The following SLC16A12 variants were observed in gnomAD, a reference collection of about 807,000 sequenced individuals.
SLC16A12 encodes the protein solute carrier family 16 member 12.
A neutral mutation model predicts 42.4 loss-of-function variants in SLC16A12; 17 were observed. That is an observed-to-expected ratio of 0.40 (90% confidence interval 0.27 to 0.60). The LOEUF is 0.60. Among genes scored for constraint, SLC16A12 ranks in the 20% least tolerant of loss-of-function variants. The pLI is 0.42. For synonymous variants in SLC16A12, 224 were observed against 229.4 expected (o/e 0.98, Z 0.21); for missense variants, 544 against 623.0 (o/e 0.87, Z 1.35).
chr10:89,450,553 A>G (rs1842078260), intron 3 of SLC16A12, among the ~76,000 whole-genome samples: 1 of 152,264 alleles, frequency 6.6e-6, no homozygotes, highest in Non-Finnish European at 1.5e-5. Context: ...TGGAACTTGA[A>G]CAATGAGAAC....
intron 2 of SLC16A12, among the ~76,000 whole-genome samples, chr10:89,533,393 T>C (rs923169432): frequency 1.3e-5 from 2 of 152,182 alleles, no homozygotes; most frequent in African/African-American, 4.8e-5. Context: ...AGAACAGCAC[T>C]AGGCATACAG....
chr10:89,475,898 C>G (rs781054643), intron 2 of SLC16A12, among the ~76,000 whole-genome samples: 21 of 152,266 alleles, frequency 1.4e-4, no homozygotes, highest in Non-Finnish European at 2.5e-4. Context: ...TCTTTCCCAC[C>G]CTTTCAGTTC....
At chr10:89,487,185 G>A (rs1415731341) in intron 2 of SLC16A12, among the ~76,000 whole-genome samples, 1 of 152,202 alleles carries the variant, frequency 6.6e-6, no homozygotes, top group Non-Finnish European at 1.5e-5. Context: ...TCTCTAAGGG[G>A]AAATCACATC....
intron 2 of SLC16A12, among the ~76,000 whole-genome samples, chr10:89,479,843 G>T (rs894688571): frequency 6.6e-6 from 1 of 152,116 alleles, no homozygotes; most frequent in Non-Finnish European, 1.5e-5. Flanking sequence ...TATATATCAC[G>T]ATAGTGTTGG....
Position 89,502,915 on chromosome 10 carries a change from C to CA in SLC16A12, c.-47+31585dup, listed in dbSNP as rs77907100. Among the ~76,000 whole-genome samples the CA allele has an allele frequency of 6.5e-4, 99 of 152,284 alleles. 1 individual carries two copies. In the East Asian group the frequency reaches 0.019, roughly 28 times the overall value. The stretch of plus-strand genomic sequence containing the variant: ...CTTAATAAAAGGCTGAGAAGATGAG[C>CA]AATGGTGATCAGCAAAGCTTGTAGG... On this transcript the variant is annotated intron_variant, in intron 2 of 7. Coordinates refer to ENST00000371790, the MANE Select transcript of SLC16A12 (RefSeq NM_213606.4).
intron 2 of SLC16A12, among the ~76,000 whole-genome samples, chr10:89,512,092 T>C (rs915364549): frequency 1.3e-5 from 2 of 152,162 alleles, no homozygotes; most frequent in African/African-American, 4.8e-5. Context: ...CGTGAGGTCC[T>C]TAGGGTAGTC....
At chr10:89,458,083 C>G (rs78999059) in intron 3 of SLC16A12, among the ~76,000 whole-genome samples, 2,957 of 152,228 alleles carry the variant, frequency 0.019, 35 homozygotes, top group Non-Finnish European at 0.022. Flanking sequence ...CTTTTTCAGA[C>G]AGAGGGATTG....
intron 2 of SLC16A12, among the ~76,000 whole-genome samples, chr10:89,531,617 G>T (rs900637254): frequency 6.6e-6 from 1 of 152,136 alleles, no homozygotes; most frequent in African/African-American, 2.4e-5. Flanking sequence ...TTCAGTGTTG[G>T]GCAGTATTTC....
chr10:89,521,757 T>C (rs1404885891), intron 2 of SLC16A12, among the ~76,000 whole-genome samples: 2 of 152,244 alleles, frequency 1.3e-5, no homozygotes, highest in Non-Finnish European at 2.9e-5. Context: ...TTTCTTTCAA[T>C]TGTAATCTGG....
At chr10:89,555,602 T>G (rs968409014) in intron 2 of SLC16A12, among the ~76,000 whole-genome samples, 2 of 144,098 alleles carry the variant, frequency 1.4e-5, no homozygotes, top group Admixed American at 1.4e-4. Flanking sequence ...TATACACATA[T>G]ATACATATAT....
intron 2 of SLC16A12, among the ~76,000 whole-genome samples, chr10:89,475,018 C>T (rs1842556106): frequency 6.6e-6 from 1 of 152,156 alleles, no homozygotes. Flanking sequence ...CTAAACAGTG[C>T]CTGACATGTG....
At chr10:89,509,846 C>A (rs954700774) in intron 2 of SLC16A12, among the ~76,000 whole-genome samples, 13 of 152,194 alleles carry the variant, frequency 8.5e-5, no homozygotes, top group African/African-American at 3.1e-4. Context: ...AAAACCCCAT[C>A]ATCTCAGCCC....
intron 2 of SLC16A12, among the ~76,000 whole-genome samples, chr10:89,540,905 G>A (rs1480623920): frequency 6.6e-6 from 1 of 150,592 alleles, no homozygotes; most frequent in Non-Finnish European, 1.5e-5. Flanking sequence ...GACAAACTAA[G>A]CAAATTTCTT....
chr10:89,462,196 A>G (rs1486506996), intron 3 of SLC16A12, among the ~76,000 whole-genome samples, 183 bp downstream of exon 3: 1 of 152,224 alleles, frequency 6.6e-6, no homozygotes, highest in African/African-American at 2.4e-5. Context: ...TGGGACTCAT[A>G]AGTGTCAGAG....
intron 6 of SLC16A12, among the ~76,000 whole-genome samples, chr10:89,438,047 A>T (rs1453089887): frequency 6.6e-6 from 1 of 152,106 alleles, no homozygotes; most frequent in African/African-American, 2.4e-5. Context: ...AACTAACACC[A>T]CCACACCCAG....
At chr10:89,543,371 A>G (rs1395481320) in intron 2 of SLC16A12, among the ~76,000 whole-genome samples, 1 of 152,246 alleles carries the variant, frequency 6.6e-6, no homozygotes, top group Non-Finnish European at 1.5e-5. Context: ...AAGTTTATAC[A>G]TCAGACAGAT....
At chr10:89,510,311 A>G (rs1477344641) in intron 2 of SLC16A12, among the ~76,000 whole-genome samples, 1 of 152,262 alleles carries the variant, frequency 6.6e-6, no homozygotes, top group Non-Finnish European at 1.5e-5. Flanking sequence ...AGCTGGAGGC[A>G]TCCTGCTACC....
At chr10:89,548,500 G>C (rs991193954) in intron 2 of SLC16A12, among the ~76,000 whole-genome samples, 1 of 152,026 alleles carries the variant, frequency 6.6e-6, no homozygotes, top group African/African-American at 2.4e-5. Flanking sequence ...TGCCTGCAAT[G>C]TCTAGTAGGA....
At chr10:89,539,905 C>CTTTCTTTCTTTCTTTCTTT (rs1554834032), upstream of SLC16A12, among the ~76,000 whole-genome samples, 1 of 140,734 alleles carries the variant, frequency 7.1e-6, no homozygotes, top group Non-Finnish European at 1.6e-5. Context: ...TTCTTTCTTT[C>CTTTCTTTCTTTCTTTCTTT]TTTCTTTTTT....
Sources: allele counts gnomAD v4.1 joint callset (sites outside exome capture counted in the v4.1 genomes callset), GRCh38; gene constraint gnomAD v4.1.1; transcripts MANE v1.5; gene names NCBI Gene and HGNC (gene_info 2026-07-23, HGNC 2026-07-21).